Variants in MSR1 observed in about 807,000 individuals in gnomAD.
MSR1 encodes macrophage scavenger receptor 1.
In MSR1, 53 loss-of-function variants were observed where a neutral mutation model predicts 47.2. That is an observed-to-expected ratio of 1.12 (90% CI 0.90 to 1.41). The LOEUF is 1.41. Ranked by LOEUF, MSR1 falls within the 40% of genes most tolerant of loss-of-function variation. The pLI, the probability that MSR1 is intolerant of heterozygous loss-of-function variation, is 0.00. For synonymous variants in MSR1, 239 were observed against 185.6 expected, an observed-to-expected ratio of 1.29 and a Z score of -2.34; for missense variants, 786 against 546.9, an observed-to-expected ratio of 1.44 and a Z score of -4.36.
intron 6 of MSR1, among the ~76,000 whole-genome samples, chr8:16,154,822 T>C (rs1457769420): frequency 2.6e-5 from 4 of 151,958 alleles, no homozygotes; most frequent in Non-Finnish European, 4.4e-5. Context: ...AAAGCATTTA[T>C]TTTCTTCAAC....
chr8:16,120,471 C>T lies in MSR1; in HGVS notation c.1169G>A (p.Ser390Asn), dbSNP rs761656901. Residue 390 changes from serine to asparagine, a missense_variant, in exon 9 of 10, where the codon AGC (serine) becomes AAC (asparagine). Coordinates refer to ENST00000262101, the MANE Select transcript of MSR1 (RefSeq NM_138715.3). ...GGCTTGAACACCTGGGTATCCCAAG[C>T]TCCTACAGACGACCTGTCCAACGCG... is the stretch of plus-strand genomic sequence containing the variant. ...EVRVGQVVCRSLGYPGVQAVH... is the reference protein window; with the variant it reads ...EVRVGQVVCRNLGYPGVQAVH... The T allele has an allele frequency of 6.2e-7, 1 of 1,614,000 alleles. No homozygotes were observed. Among genetic ancestry groups the T allele is most frequent in the South Asian group, 1.1e-5 (1 of 91,068 alleles).
chr8:16,154,301 C>T (rs568607041), intron 6 of MSR1, among the ~76,000 whole-genome samples: 4 of 151,896 alleles, frequency 2.6e-5, no homozygotes, highest in South Asian at 2.1e-4. Flanking sequence ...TACCATCAAA[C>T]GGCATGCAGG....
chr8:16,167,672 CA>C (rs1233087878), intron 4 of MSR1, among the ~76,000 whole-genome samples: 1 of 152,198 alleles, frequency 6.6e-6, no homozygotes, highest in African/African-American at 2.4e-5. Context: ...TACCTCATCT[CA>C]GTGCTCTTCT....
intron 6 of MSR1, among the ~76,000 whole-genome samples, chr8:16,151,914 C>A (rs963613601): frequency 3.9e-5 from 6 of 152,118 alleles, no homozygotes; most frequent in African/African-American, 1.2e-4. Flanking sequence ...TGACCTCAAG[C>A]AAGTCATTTA....
intron 1 of MSR1, among the ~76,000 whole-genome samples, chr8:16,183,431 GAATATACTGAATA>G (rs1801894870): frequency 6.7e-6 from 1 of 150,134 alleles, no homozygotes. Context: ...AATAAATATT[GAATATACTGAATA>G]AATAGAATAT....
rs765151047 is a variant in MSR1 at position 16,120,379 on chromosome 8, A to C, written c.1222+39T>G. The C allele has an allele frequency of 5.0e-6, 8 of 1,598,308 alleles. No homozygotes were observed. In the African/African-American group the frequency reaches 6.7e-5, roughly 13 times the overall value. On this transcript the variant is annotated intron_variant, in intron 9 of 9. Coordinates refer to ENST00000262101, the MANE Select transcript of MSR1 (RefSeq NM_138715.3). ...GCGACAGAATGAGACTCTGTCTGAA[A>C]CAACAACAACAAACCTCACAAGATT...
At chr8:16,121,203 T>A in intron 8 of MSR1, 1 of 408,036 alleles carries the variant, frequency 2.5e-6, no homozygotes, top group South Asian at 1.9e-5. Flanking sequence ...TTTTTGTGTT[T>A]TTCCTCTTTA....
At chr8:16,130,615 C>T (rs751374239) in intron 8 of MSR1, among the ~76,000 whole-genome samples, 7 of 152,102 alleles carry the variant, frequency 4.6e-5, no homozygotes, top group Non-Finnish European at 7.4e-5. Flanking sequence ...GAGAGCTTTT[C>T]GATCCTCACC....
In MSR1 at chr8:16,175,401, T is replaced by C. The variant is rs1022438462; in HGVS notation, c.104-101A>G. The stretch of plus-strand genomic sequence containing the variant: ...AATTATATTCTTACTACCAAGCCTA[T>C]TGGAATAAAAAAGAAGAAAAAATGT... On this transcript the variant is annotated intron_variant, in intron 2 of 9. Transcript: ENST00000262101. 78 of 993,818 alleles carry C rather than the reference T, an allele frequency of 7.8e-5. No homozygotes were observed. In the African/African-American group the frequency reaches 8.7e-4, roughly 11 times the overall value. The allele number at this position is 993,818 out of a possible 1,614,324, so 61.6% of individuals were successfully genotyped here. A position where few individuals can be genotyped will look rare whatever the true frequency, so the allele number is the denominator to read the frequency against.
chr8:16,191,904 T>A (rs1377347335), intron 1 of MSR1, among the ~76,000 whole-genome samples: 1 of 152,192 alleles, frequency 6.6e-6, no homozygotes. Flanking sequence ...TTTTTTCACA[T>A]AGAAGTAATT....
chr8:16,151,234 C>T (rs13273459), intron 6 of MSR1, among the ~76,000 whole-genome samples: 1 of 152,088 alleles, frequency 6.6e-6, no homozygotes, highest in South Asian at 2.1e-4. Flanking sequence ...TCAGAGAAGC[C>T]CCTCCAATGC....
At chr8:16,169,045 A>G (rs796730243) in intron 3 of MSR1, among the ~76,000 whole-genome samples, 175 bp from the exon 4 acceptor site, 18 of 152,272 alleles carry the variant, frequency 1.2e-4, no homozygotes, top group African/African-American at 4.3e-4. Context: ...CGCTACGTAT[A>G]TTGCTGAGAA....
rs1159562359 is a variant in MSR1 at position 16,177,936 on chromosome 8, G to T, written c.53C>A (p.Ser18Tyr). The change falls in exon 2 of 10, where the codon TCC becomes TAC. Residue 18 changes from serine to tyrosine, a missense_variant. Transcript: ENST00000262101. ...GCGAGCATCAAATTTCACAGATTCG[G>T]AGCAGCTATCAGTGTCCTCCTGTTG... ...HNQQEDTDSCSESVKFDARSM... is the reference protein window; with the variant it reads ...HNQQEDTDSCYESVKFDARSM... 1.9e-6 allele frequency: 3 copies of T among 1,613,894 alleles called. No individual in the cohort carries two copies. Among genetic ancestry groups the T allele is most frequent in the Non-Finnish European group, 2.5e-6 (3 of 1,179,934 alleles).
chr8:16,147,305 C>A (rs1055046405), intron 7 of MSR1, among the ~76,000 whole-genome samples: 12 of 152,086 alleles, frequency 7.9e-5, no homozygotes, highest in African/African-American at 2.9e-4. Context: ...GTCTTATTCA[C>A]CCTTCATTTC....
At chr8:16,138,777 T>C (rs567335664) in intron 8 of MSR1, among the ~76,000 whole-genome samples, 1 of 152,324 alleles carries the variant, frequency 6.6e-6, no homozygotes, top group East Asian at 1.9e-4. Flanking sequence ...GTAAACTGGC[T>C]ATTCAATGTT....
At chr8:16,165,809 CAG>C (rs1490466208) in intron 4 of MSR1, among the ~76,000 whole-genome samples, 2 of 152,208 alleles carry the variant, frequency 1.3e-5, no homozygotes, top group East Asian at 1.9e-4. Flanking sequence ...TATACTGAAG[CAG>C]AGAGACTTAC....
chr8:16,136,662 G>C (rs530647863), intron 8 of MSR1, among the ~76,000 whole-genome samples: 2 of 152,174 alleles, frequency 1.3e-5, no homozygotes, highest in African/African-American at 4.8e-5. Context: ...GAGTGCAGTG[G>C]CATGATCTCA....
chr8:16,140,761 G>C, intron 8 of MSR1: 1 of 1,438,122 alleles, frequency 7.0e-7, no homozygotes, highest in Non-Finnish European at 9.1e-7. Context: ...GGTGATAGGG[G>C]AGAGAGGTGA....
intron 1 of MSR1, among the ~76,000 whole-genome samples, chr8:16,185,419 T>C (rs1172265416): frequency 6.6e-6 from 1 of 152,156 alleles, no homozygotes; most frequent in Non-Finnish European, 1.5e-5. Context: ...TTTTCCAGGA[T>C]TTTCACTGTG....
Sources: allele counts gnomAD v4.1 joint callset (sites outside exome capture counted in the v4.1 genomes callset), GRCh38; gene constraint gnomAD v4.1.1; transcripts MANE v1.5; gene names NCBI Gene and HGNC (gene_info 2026-07-23, HGNC 2026-07-21).